TGFBRAP1: variants seen among roughly 807,000 people sequenced by gnomAD.
TGFBRAP1 encodes transforming growth factor beta receptor associated protein 1, also known as transforming growth factor-beta receptor-associated protein 1.
In TGFBRAP1, 20 loss-of-function variants were observed where a neutral mutation model predicts 83.2. That is an observed-to-expected ratio of 0.24 (90% confidence interval 0.17 to 0.35). The LOEUF is 0.35. Ranked by LOEUF, TGFBRAP1 falls within the 10% of genes least tolerant of loss-of-function variation. The pLI, the probability that TGFBRAP1 is intolerant of heterozygous loss-of-function variation, is 1.00. For synonymous variants in TGFBRAP1, 415 were observed against 459.8 expected (o/e 0.90, Z 1.25); for missense variants, 950 against 1,099.4 (o/e 0.86, Z 1.92).
At chr2:105,296,310 A>C (rs376959621) in intron 4 of TGFBRAP1, 46 bp downstream of exon 4, 34 of 1,609,778 alleles carry the variant, frequency 2.1e-5, no homozygotes, top group Non-Finnish European at 2.8e-5. Context: ...AATGTCCTCT[A>C]ACTGGTGACT....
At chr2:105,283,320 C>T (rs1281908189) in intron 5 of TGFBRAP1, among the ~76,000 whole-genome samples, 1 of 152,160 alleles carries the variant, frequency 6.6e-6, no homozygotes, top group Non-Finnish European at 1.5e-5. Flanking sequence ...TTCAGTAATG[C>T]CATTCTTCAA....
At chr2:105,260,225 G>A (rs1196834372), downstream of TGFBRAP1, among the ~76,000 whole-genome samples, 4 of 152,076 alleles carry the variant, frequency 2.6e-5, no homozygotes, top group East Asian at 1.9e-4. Flanking sequence ...CCTGGCCAAC[G>A]TGGTGAAACC....
chr2:105,280,869 C>T (rs1224161157), intron 5 of TGFBRAP1, 146 bp from the exon 6 acceptor site: 9 of 900,798 alleles, frequency 1.0e-5, no homozygotes, highest in East Asian at 5.3e-5. Context: ...TCAGAGCAAC[C>T]GTTCTAATCT....
In TGFBRAP1 at chr2:105,308,181, T is replaced by C; in HGVS notation, c.121A>G (p.Thr41Ala). The change falls in exon 2 of 12, where the codon ACC becomes GCC. Residue 41 changes from threonine (T) to alanine (A), a missense_variant. Coordinates refer to ENST00000393359, the MANE Select transcript of TGFBRAP1 (RefSeq NM_004257.6). ...ECCGRDLYVG[T>A]NDCFVYHFLL... ...AAGTGGTAGACGAAGCAGTCGTTGG[T>C]GCCCACGTAGAGGTCCCTGCCGCAG... The C allele has an allele frequency of 6.2e-7, 1 of 1,614,244 alleles. No homozygotes were observed.
At chr2:105,311,746 C>T (rs1019663225) in intron 1 of TGFBRAP1, among the ~76,000 whole-genome samples, 2 of 151,358 alleles carry the variant, frequency 1.3e-5, no homozygotes, top group East Asian at 2.0e-4. Flanking sequence ...TAAAAATACA[C>T]ACACAAAAAA....
rs1676877799 is a variant in TGFBRAP1, at chr2:105,265,124, A to G, written c.*2259T>C. 1 of 152,234 alleles carries G rather than the reference A, an allele frequency of 6.6e-6. No homozygotes were observed. The highest frequency in any genetic ancestry group is 2.4e-5 in the African/African-American group (1 of 41,462). 9.4% of individuals were successfully genotyped at this position (152,234 alleles called of 1,614,324 possible). ...GCTCAACTTTAATTCCCATTATTCT[A>G]AAGGATGACAAACATTTTAGAGTAT... On this transcript the variant is annotated 3_prime_UTR_variant, in exon 12 of 12. Coordinates refer to ENST00000393359, the MANE Select transcript of TGFBRAP1 (RefSeq NM_004257.6).
At chr2:105,278,539 G>A (rs1573168629) in intron 6 of TGFBRAP1, among the ~76,000 whole-genome samples, 1 of 152,092 alleles carries the variant, frequency 6.6e-6, no homozygotes, top group Non-Finnish European at 1.5e-5. Context: ...TAACCCGCGT[G>A]ACCTTGAGCA....
In TGFBRAP1 at chr2:105,275,691, T is replaced by C; in HGVS notation, c.1534A>G (p.Ile512Val). The C allele has an allele frequency of 1.9e-6, 3 of 1,607,332 alleles. No individual in the cohort carries two copies. Among genetic ancestry groups the C allele is most frequent in the Middle Eastern group, 1.7e-4 (1 of 6,040 alleles). Reference sequence around the variant, plus strand: ...GAGTCCTGGACATCGCCATTCACAATGTTCACCCACAACTGGAAAGGAATC... The same window carrying C: ...GAGTCCTGGACATCGCCATTCACAACGTTCACCCACAACTGGAAAGGAATC... Reference protein sequence around the residue: ...DAAAVQLWVNIVNGDVQDSTR... With the variant: ...DAAAVQLWVNVVNGDVQDSTR... The change falls in exon 8 of 12, where the codon ATT (isoleucine) becomes GTT (valine). Residue 512 changes from isoleucine to valine, a missense_variant. Coordinates refer to ENST00000393359, the MANE Select transcript of TGFBRAP1 (RefSeq NM_004257.6).
intron 5 of TGFBRAP1, among the ~76,000 whole-genome samples, chr2:105,281,940 T>C (rs759142919): frequency 5.5e-4 from 83 of 152,194 alleles, no homozygotes; most frequent in Non-Finnish European, 1.0e-3. Context: ...CACCCTGTAA[T>C]GCACAAGACA....
chr2:105,316,462 T>TGTGTGCGCGCAC (rs1177329674), intron 1 of TGFBRAP1, among the ~76,000 whole-genome samples: 1 of 84,816 alleles, frequency 1.2e-5, no homozygotes, highest in African/African-American at 5.4e-5. Context: ...TGTGTGTGTG[T>TGTGTGCGCGCAC]GCGCGCGCGC....
chr2:105,257,155 T>C, the TGFBRAP1 span, among the ~76,000 whole-genome samples: 1 of 152,232 alleles, frequency 6.6e-6, no homozygotes. Context: ...CTTTATTCTA[T>C]GGACTCGCCC....
chr2:105,323,499 G>A (rs1317652574), intron 1 of TGFBRAP1, among the ~76,000 whole-genome samples: 1 of 152,118 alleles, frequency 6.6e-6, no homozygotes, highest in East Asian at 1.9e-4. Flanking sequence ...AGGTATGACT[G>A]GACACTTTTT....
At chr2:105,284,870 C>T (rs771246583) in intron 4 of TGFBRAP1, among the ~76,000 whole-genome samples, 5 of 152,206 alleles carry the variant, frequency 3.3e-5, no homozygotes, top group Admixed American at 1.3e-4. Flanking sequence ...GTTCCATCTC[C>T]TGCTGGTGAC....
In TGFBRAP1 at chr2:105,265,522, T is replaced by C. The variant is rs1372093068; in HGVS notation, c.*1861A>G. 6.6e-6 allele frequency: 1 copy of C among 152,638 alleles called. No individual in the cohort carries two copies. The highest frequency in any genetic ancestry group is 1.5e-5 in the Non-Finnish European group (1 of 68,044). 9.5% of individuals were successfully genotyped at this position (152,638 alleles called of 1,614,324 possible). A position where few individuals can be genotyped will look rare whatever the true frequency, so the allele number is the denominator to read the frequency against. The stretch of plus-strand genomic sequence containing the variant: ...TTTTCAAGATTTTACCCATTTTGTG[T>C]ACAGAGAAATAAGCTTTTAATGGCG... On this transcript the variant is annotated 3_prime_UTR_variant, in exon 12 of 12. Coordinates refer to ENST00000393359, the MANE Select transcript of TGFBRAP1 (RefSeq NM_004257.6).
chr2:105,328,302 A>G (rs944084824), intron 1 of TGFBRAP1, among the ~76,000 whole-genome samples: 2 of 152,212 alleles, frequency 1.3e-5, no homozygotes, highest in Admixed American at 1.3e-4. Flanking sequence ...AGTTATGGAC[A>G]GGTTCCAGCA....
chr2:105,269,361 C>G lies in TGFBRAP1; in HGVS notation c.2317G>C (p.Ala773Pro). ...CTGGCATGGATGCTGTCCCTCATGG[C>G]CCCCATCAGGAATGGGCAGAGGAGC... ...VQLLCPFLMG[A>P]MRDSIHARRT... The change falls in exon 11 of 12, where the codon GCC (alanine) becomes CCC (proline). Residue 773 changes from alanine (A) to proline (P), a missense_variant. Coordinates refer to ENST00000393359, the MANE Select transcript of TGFBRAP1 (RefSeq NM_004257.6). This position sits in a 1 kb window ranked among gnomAD's most constrained non-coding sequence, Gnocchi z 4.1. The G allele has an allele frequency of 6.2e-7, 1 of 1,613,984 alleles. No individual in the cohort carries two copies. The highest frequency in any genetic ancestry group is 1.1e-5 in the South Asian group (1 of 91,052).
chr2:105,251,531 C>T, the TGFBRAP1 span, among the ~76,000 whole-genome samples: 1 of 147,852 alleles, frequency 6.8e-6, no homozygotes, highest in Non-Finnish European at 1.5e-5. Flanking sequence ...GGGGGATCAG[C>T]CCCCCGCCTG....
chr2:105,283,117 G>A (rs199787559), intron 5 of TGFBRAP1, among the ~76,000 whole-genome samples: 45 of 152,256 alleles, frequency 3.0e-4, no homozygotes, highest in East Asian at 1.7e-3. Flanking sequence ...CACAAGATAC[G>A]GCAGAAAAGA....
chr2:105,250,645 T>C, the TGFBRAP1 span, among the ~76,000 whole-genome samples: 1 of 137,832 alleles, frequency 7.3e-6, no homozygotes, highest in Non-Finnish European at 1.6e-5. Flanking sequence ...CTCCCCACGG[T>C]CTCCCTCTCC....
Sources: gnomAD v4.1 joint callset for allele counts (sites outside exome capture counted in the v4.1 genomes callset) on GRCh38, gnomAD v4.1.1 for gene constraint, Gnocchi (gnomAD v3.1) non-coding constraint, MANE v1.5 for transcripts, NCBI Gene and HGNC (gene_info 2026-07-23, HGNC 2026-07-21) for gene names.